The following RELN variants were observed in gnomAD, a reference collection of about 807,000 sequenced individuals.
RELN encodes reelin.
Under a neutral mutation model 427.6 loss-of-function variants are expected in RELN, and 108 were observed. That is an observed-to-expected ratio of 0.25 (90% CI 0.22 to 0.30). RELN has a LOEUF of 0.30. Among genes scored for constraint, RELN ranks in the 10% least tolerant of loss-of-function variants. The pLI is 1.00. For synonymous variants in RELN, 1,524 were observed against 1,513.4 expected, an observed-to-expected ratio of 1.01 and a Z score of -0.16; for missense variants, 3,715 against 4,302.8, an observed-to-expected ratio of 0.86 and a Z score of 3.82.
intron 51 of RELN, among the ~76,000 whole-genome samples, chr7:103,509,572 T>C (rs1829328517): frequency 6.6e-6 from 1 of 152,044 alleles, no homozygotes; most frequent in Non-Finnish European, 1.5e-5. Flanking sequence ...ACTCAGGCAA[T>C]ACCATTCAGG....
At chr7:103,570,586 CAGGGATCTACCCTT>C (rs1395222981) in intron 31 of RELN, among the ~76,000 whole-genome samples, 2 of 152,218 alleles carry the variant, frequency 1.3e-5, no homozygotes, top group Non-Finnish European at 1.5e-5. Context: ...CCCCTGAGGG[CAGGGATCTACCCTT>C]AGGTGGTCAT....
Position 103,898,056 on chromosome 7 carries a change from C to T in RELN, c.337+19019G>A, listed in dbSNP as rs1158443034. ...TTTATTAACTGACTCAATGCTAGTA[C>T]TGACCATGTCAAATAACAGTTTCTT... On this transcript the variant is annotated intron_variant, in intron 2 of 64. Transcript: ENST00000428762. Among the ~76,000 whole-genome samples, 2 of 152,034 alleles carry T rather than the reference C, an allele frequency of 1.3e-5. 1 individual carries two copies. Among genetic ancestry groups the T allele is most frequent in the South Asian group, 4.1e-4 (2 of 4,832 alleles).
chr7:103,520,957 ATTTTTTTTTTTTTTTTTT>A (rs55830035), intron 48 of RELN, among the ~76,000 whole-genome samples: 2 of 79,186 alleles, frequency 2.5e-5, no homozygotes, highest in Non-Finnish European at 2.4e-5. Context: ...TAAATTTGTT[ATTTTTTTTTTTTTTTTTT>A]TTTTTTTTTT....
At chr7:103,499,882 G>T (rs1216068214) in intron 53 of RELN, among the ~76,000 whole-genome samples, 1 of 152,110 alleles carries the variant, frequency 6.6e-6, no homozygotes, top group African/African-American at 2.4e-5. Flanking sequence ...AATTACCTGT[G>T]GTATATAAAG....
At position 103,920,593 on chromosome 7, in the gene RELN, T is replaced by TTTTTTTTTTGA. The variant is rs57282777; in HGVS notation, c.227-3409_227-3408insTCAAAAAAAAA. Among the ~76,000 whole-genome samples, 110 of 129,370 alleles carry TTTTTTTTTTGA rather than the reference T, an allele frequency of 8.5e-4. 5 individuals carry two copies. The highest frequency in any genetic ancestry group is 3.2e-3 in the African/African-American group (106 of 32,820). 84.9% of individuals were successfully genotyped at this position (129,370 alleles called of 152,430 possible). On this transcript the variant is annotated intron_variant, in intron 1 of 64. Coordinates refer to ENST00000428762, the MANE Select transcript of RELN (RefSeq NM_005045.4). ...TTTTTTTTTTTGTTTTTTTTTTTTT[T>TTTTTTTTTTGA]GAGAGAGTCTCGCTCTCTTACCCAG...
intron 34 of RELN, 99 bp downstream of exon 34, chr7:103,565,179 A>T: frequency 6.9e-7 from 1 of 1,452,392 alleles, no homozygotes; most frequent in Non-Finnish European, 9.7e-7. Flanking sequence ...CATAATTATC[A>T]TGAAAGAATA....
intron 3 of RELN, among the ~76,000 whole-genome samples, chr7:103,799,494 C>T (rs1792391479): frequency 6.6e-6 from 1 of 152,156 alleles, no homozygotes; most frequent in Non-Finnish European, 1.5e-5. Flanking sequence ...TTCCTCTAAC[C>T]TAACCATCTC....
At chr7:103,748,800 A>G (rs933237279) in intron 6 of RELN, among the ~76,000 whole-genome samples, 1 of 152,216 alleles carries the variant, frequency 6.6e-6, no homozygotes, top group Non-Finnish European at 1.5e-5. Flanking sequence ...TAGAAAATCC[A>G]AATTCAGATA....
intron 6 of RELN, 115 bp downstream of exon 6, chr7:103,749,311 C>A: frequency 1.2e-6 from 1 of 821,820 alleles, no homozygotes; most frequent in Non-Finnish European, 2.1e-6. Context: ...ACAAGTCTCA[C>A]TGATAGCTTA....
At chr7:103,779,370 G>GTAA (rs1791828574) in intron 3 of RELN, among the ~76,000 whole-genome samples, 1 of 152,108 alleles carries the variant, frequency 6.6e-6, no homozygotes, top group Non-Finnish European at 1.5e-5. Flanking sequence ...AGAAGTAGTA[G>GTAA]TAATAATAAT....
chr7:103,642,282 T>C (rs2073552), intron 16 of RELN, among the ~76,000 whole-genome samples: 5,369 of 151,972 alleles, frequency 0.035, 151 homozygotes, highest in East Asian at 0.14. Flanking sequence ...TATTGATATG[T>C]TTTTCTCTAT....
chr7:103,601,647 A>T (rs1831671087), intron 24 of RELN, among the ~76,000 whole-genome samples: 1 of 152,176 alleles, frequency 6.6e-6, no homozygotes, highest in Admixed American at 6.5e-5. Context: ...GGTTAGACAC[A>T]TTGCTCAGGT....
At chr7:103,746,211 C>A (rs1252976528) in intron 6 of RELN, among the ~76,000 whole-genome samples, 1 of 152,106 alleles carries the variant, frequency 6.6e-6, no homozygotes, top group Non-Finnish European at 1.5e-5. Flanking sequence ...ACTGGCTAGC[C>A]ATACACAGAA....
chr7:103,802,056 C>T (rs1397595897), intron 3 of RELN, among the ~76,000 whole-genome samples: 1 of 152,082 alleles, frequency 6.6e-6, no homozygotes, highest in Non-Finnish European at 1.5e-5. Flanking sequence ...TCTTGAATTA[C>T]TGAATTAATG....
intron 3 of RELN, among the ~76,000 whole-genome samples, chr7:103,822,041 AT>A (rs1218824924): frequency 6.6e-6 from 1 of 152,082 alleles, no homozygotes; most frequent in African/African-American, 2.4e-5. Context: ...TAATAATTTC[AT>A]TTAATATTTA....
At chr7:103,658,382 C>T (rs942752387) in intron 12 of RELN, among the ~76,000 whole-genome samples, 1 of 152,078 alleles carries the variant, frequency 6.6e-6, no homozygotes, top group African/African-American at 2.4e-5. Flanking sequence ...CTACTTATAA[C>T]TATCTCATTC....
At chr7:103,743,068 C>A (rs1790712190) in intron 6 of RELN, among the ~76,000 whole-genome samples, 1 of 148,928 alleles carries the variant, frequency 6.7e-6, no homozygotes, top group Non-Finnish European at 1.5e-5. Context: ...GATCTCTCAG[C>A]AGAAACTCTC....
At chr7:103,527,967 CT>C (rs1829861179) in intron 46 of RELN, among the ~76,000 whole-genome samples, 1 of 152,158 alleles carries the variant, frequency 6.6e-6, no homozygotes. Flanking sequence ...CTCTACATTG[CT>C]GGTGGGAATG....
chr7:103,948,527 G>A (rs1011602191), intron 1 of RELN, among the ~76,000 whole-genome samples: 3 of 152,022 alleles, frequency 2.0e-5, no homozygotes, highest in African/African-American at 7.2e-5. Context: ...ACAAAAATTA[G>A]CTGGGCATGG....
Sources: gnomAD v4.1 joint callset for allele counts (sites outside exome capture counted in the v4.1 genomes callset) on GRCh38, gnomAD v4.1.1 for gene constraint, MANE v1.5 for transcripts, NCBI Gene and HGNC (gene_info 2026-07-23, HGNC 2026-07-21) for gene names.